TSHZ2: variants seen among roughly 807,000 people sequenced by gnomAD.
TSHZ2 encodes teashirt homolog 2.
Under a neutral mutation model 74.4 loss-of-function variants are expected in TSHZ2, and 21 were observed. The ratio of observed to expected loss-of-function variants is 0.28; its 90% CI spans 0.20 to 0.41. The LOEUF is 0.41. TSHZ2 is among the 10% of genes least tolerant of loss of function. TSHZ2 has a pLI of 1.00. For synonymous variants in TSHZ2, 540 were observed against 515.3 expected, an observed-to-expected ratio of 1.05 and a Z score of -0.65; for missense variants, 1,244 against 1,293.5, an observed-to-expected ratio of 0.96 and a Z score of 0.59.
At position 53,215,379 on chromosome 20, in the gene TSHZ2, A is replaced by G. The variant is rs61019134; in HGVS notation, c.41-38120A>G. On this transcript the variant is annotated intron_variant, in intron 1 of 2. Transcript: ENST00000371497. The stretch of plus-strand genomic sequence containing the variant: ...CACCACACCCTTCCACTGTCTAACC[A>G]TGCCACAGTATCTTGTTTCTCTTTT... 9.1e-3 allele frequency among the ~76,000 whole-genome samples: 1,386 copies of G among 152,044 alleles called. 28 individuals carry two copies. Among genetic ancestry groups the G allele is most frequent in the African/African-American group, 0.032 (1,342 of 41,444 alleles).
intron 2 of TSHZ2, among the ~76,000 whole-genome samples, chr20:53,311,065 T>C (rs888094222): frequency 2.0e-5 from 3 of 152,236 alleles, no homozygotes; most frequent in Admixed American, 6.5e-5. Context: ...TCTGATGTGC[T>C]GTAAAGCAAG....
At chr20:53,031,213 A>C (rs968682375) in intron 1 of TSHZ2, among the ~76,000 whole-genome samples, 5 of 152,148 alleles carry the variant, frequency 3.3e-5, no homozygotes, top group African/African-American at 1.2e-4. Context: ...GGGCTTGCTT[A>C]ATGGGATTTG....
intron 1 of TSHZ2, among the ~76,000 whole-genome samples, chr20:52,997,506 T>C (rs557185180): frequency 5.3e-5 from 8 of 152,318 alleles, no homozygotes; most frequent in African/African-American, 1.7e-4. Flanking sequence ...GTGGCTATTA[T>C]TGCATCTCAA....
chr20:53,249,143 T>A (rs1990268895), intron 1 of TSHZ2, among the ~76,000 whole-genome samples: 1 of 152,188 alleles, frequency 6.6e-6, no homozygotes, highest in Non-Finnish European at 1.5e-5. Flanking sequence ...ACACAGCCGA[T>A]ACTCTGGTTT....
intron 1 of TSHZ2, among the ~76,000 whole-genome samples, chr20:52,987,509 C>T (rs534515955): frequency 6.6e-6 from 1 of 151,488 alleles, no homozygotes; most frequent in East Asian, 1.9e-4. Context: ...CTCTCTCTTT[C>T]TCCCTCTCTC....
chr20:53,311,149 T>C (rs1229687077), intron 2 of TSHZ2, among the ~76,000 whole-genome samples: 2 of 152,246 alleles, frequency 1.3e-5, no homozygotes, highest in East Asian at 3.8e-4. Flanking sequence ...TGTAAACTTC[T>C]AAAAGCAGCT....
intron 1 of TSHZ2, among the ~76,000 whole-genome samples, chr20:53,182,524 A>G (rs1369970504): frequency 1.3e-5 from 2 of 152,274 alleles, no homozygotes; most frequent in African/African-American, 4.8e-5. Flanking sequence ...AAACAGTTAC[A>G]AATGATTGAC....
intron 1 of TSHZ2, among the ~76,000 whole-genome samples, chr20:53,251,813 T>C (rs550101956): frequency 6.6e-6 from 1 of 152,366 alleles, no homozygotes; most frequent in South Asian, 2.1e-4. Flanking sequence ...TTTAGTGACA[T>C]TTCAATGAAA....
intron 1 of TSHZ2, among the ~76,000 whole-genome samples, chr20:53,021,223 A>G (rs1983234356): frequency 6.6e-6 from 1 of 152,272 alleles, no homozygotes; most frequent in Admixed American, 6.5e-5. Context: ...TGAATAACTG[A>G]ACCACTTTGG....
At chr20:52,981,358 G>A (rs1459435288) in intron 1 of TSHZ2, among the ~76,000 whole-genome samples, 1 of 152,176 alleles carries the variant, frequency 6.6e-6, no homozygotes, top group Non-Finnish European at 1.5e-5. Flanking sequence ...GTAAACTTGG[G>A]CAGGCTGCTC....
intron 1 of TSHZ2, among the ~76,000 whole-genome samples, chr20:53,114,576 G>T (rs1288794835): frequency 6.6e-6 from 1 of 152,226 alleles, no homozygotes; most frequent in East Asian, 1.9e-4. Context: ...CTGTCAGCAA[G>T]TTAGAAATTT....
intron 2 of TSHZ2, among the ~76,000 whole-genome samples, chr20:53,309,451 G>C (rs766326450): frequency 6.6e-6 from 1 of 152,146 alleles, no homozygotes; most frequent in African/African-American, 2.4e-5. Context: ...AGAAAGAGAA[G>C]AGGAAAAGAA....
At chr20:53,298,861 C>A (rs1320932783) in intron 2 of TSHZ2, among the ~76,000 whole-genome samples, 1 of 152,196 alleles carries the variant, frequency 6.6e-6, no homozygotes, top group Non-Finnish European at 1.5e-5. Flanking sequence ...TTCAACACAC[C>A]TGATAACTGT....
At chr20:53,082,403 A>C (rs1420365019) in intron 1 of TSHZ2, among the ~76,000 whole-genome samples, 1 of 152,148 alleles carries the variant, frequency 6.6e-6, no homozygotes, top group Non-Finnish European at 1.5e-5. Context: ...TATCTTTCTC[A>C]CTGAGTGGGA....
intron 1 of TSHZ2, among the ~76,000 whole-genome samples, chr20:53,022,234 C>CT (rs1983270310): frequency 6.6e-6 from 1 of 152,174 alleles, no homozygotes; most frequent in Non-Finnish European, 1.5e-5. Context: ...GCACTAGACT[C>CT]TAAGAGAAAT....
chr20:53,481,388 G>A (rs768196892), intron 2 of TSHZ2, among the ~76,000 whole-genome samples: 1 of 151,936 alleles, frequency 6.6e-6, no homozygotes, highest in East Asian at 1.9e-4. Context: ...CCTGGGCAAC[G>A]TGGCGAAACC....
intron 2 of TSHZ2, among the ~76,000 whole-genome samples, chr20:53,480,650 G>A (rs1986126080): frequency 6.6e-6 from 1 of 152,034 alleles, no homozygotes; most frequent in South Asian, 2.1e-4. Flanking sequence ...CTCACACATT[G>A]CAAGGAGCCT....
chr20:53,223,174 T>C (rs1410520030), intron 1 of TSHZ2, among the ~76,000 whole-genome samples: 1 of 152,100 alleles, frequency 6.6e-6, no homozygotes, highest in Non-Finnish European at 1.5e-5. Flanking sequence ...TGTGGCTATA[T>C]TATCTGTCTG....
intron 1 of TSHZ2, among the ~76,000 whole-genome samples, chr20:53,221,227 C>G (rs887968096): frequency 1.4e-5 from 2 of 142,982 alleles, no homozygotes; most frequent in African/African-American, 5.0e-5. Flanking sequence ...GAGGCCCCCC[C>G]CGCCATGTAG....
Sources: allele counts gnomAD v4.1 joint callset (sites outside exome capture counted in the v4.1 genomes callset), GRCh38; gene constraint gnomAD v4.1.1; transcripts MANE v1.5; gene names NCBI Gene and HGNC (gene_info 2026-07-23, HGNC 2026-07-21).